Variants in SPAG16 observed in about 807,000 individuals in gnomAD.
The protein encoded by SPAG16 is sperm associated antigen 16.
Under a neutral mutation model 80.4 loss-of-function variants are expected in SPAG16, and 86 were observed. The observed-to-expected ratio is 1.07, with a 90% confidence interval of 0.90 to 1.28. The LOEUF (loss-of-function observed/expected upper bound fraction) is 1.28, where lower values mean the gene tolerates loss of function less well. SPAG16 is among the 50% of genes most tolerant of loss of function. SPAG16 has a pLI of 0.00. For synonymous variants in SPAG16, 294 were observed against 265.9 expected (o/e 1.11, Z -1.03); for missense variants, 870 against 765.3 (o/e 1.14, Z -1.61).
intron 11 of SPAG16, among the ~76,000 whole-genome samples, chr2:213,927,361 T>A (rs1472842543): frequency 6.6e-6 from 1 of 152,200 alleles, no homozygotes; most frequent in Non-Finnish European, 1.5e-5. Flanking sequence ...CCAGGGAAAC[T>A]CTGATCTTTT....
chr2:214,374,697 CT>C (rs1358053297), intron 15 of SPAG16, among the ~76,000 whole-genome samples: 1 of 152,164 alleles, frequency 6.6e-6, no homozygotes, highest in Non-Finnish European at 1.5e-5. Flanking sequence ...CAGAGCTGCA[CT>C]AGAGTAATTT....
chr2:213,317,522 G>C, intron 5 of SPAG16, 166 bp downstream of exon 5: 6 of 1,334,134 alleles, frequency 4.5e-6, no homozygotes, highest in Non-Finnish European at 5.8e-6. Context: ...TTAAACAGAT[G>C]ATCAGAACTA....
intron 10 of SPAG16, among the ~76,000 whole-genome samples, chr2:213,859,993 T>TTGATGATGATGATGATGATGATGATGA (rs112613257): frequency 8.0e-5 from 12 of 150,554 alleles, no homozygotes; most frequent in South Asian, 2.1e-4. Context: ...TTACCATTAG[T>TTGATGATGATGATGATGATGATGATGA]TGATGATGAT....
intron 10 of SPAG16, among the ~76,000 whole-genome samples, chr2:213,526,223 T>A (rs560626716): frequency 6.6e-6 from 1 of 152,356 alleles, no homozygotes; most frequent in Non-Finnish European, 1.5e-5. Context: ...TATCATAATG[T>A]ATCACTAATT....
At chr2:213,806,955 T>C (rs1166582449) in intron 10 of SPAG16, among the ~76,000 whole-genome samples, 2 of 152,220 alleles carry the variant, frequency 1.3e-5, no homozygotes, top group African/African-American at 4.8e-5. Flanking sequence ...AGATCACGGA[T>C]ACATTAGCTG....
intron 10 of SPAG16, among the ~76,000 whole-genome samples, chr2:213,533,466 C>G (rs1227789291): frequency 6.6e-6 from 1 of 152,158 alleles, no homozygotes; most frequent in Non-Finnish European, 1.5e-5. Context: ...GACACTTGCT[C>G]TAACACAATT....
chr2:213,432,938 G>T (rs1329179433), intron 9 of SPAG16, among the ~76,000 whole-genome samples: 1 of 152,056 alleles, frequency 6.6e-6, no homozygotes, highest in African/African-American at 2.4e-5. Flanking sequence ...AGGGATACCA[G>T]GATTGTTCAG....
intron 10 of SPAG16, among the ~76,000 whole-genome samples, chr2:213,671,202 A>G (rs2063800350): frequency 6.6e-6 from 1 of 152,226 alleles, no homozygotes; most frequent in Non-Finnish European, 1.5e-5. Context: ...GATATTGTTT[A>G]GGATAAAGCT....
At chr2:214,063,600 C>G (rs1341598226) in intron 13 of SPAG16, among the ~76,000 whole-genome samples, 3 of 152,124 alleles carry the variant, frequency 2.0e-5, no homozygotes, top group Non-Finnish European at 4.4e-5. Context: ...AGCCCCACCT[C>G]TAATACTATC....
chr2:213,624,979 C>T (rs1275832357), intron 10 of SPAG16, among the ~76,000 whole-genome samples: 2 of 151,932 alleles, frequency 1.3e-5, no homozygotes, highest in African/African-American at 2.4e-5. Context: ...TTAGTAGAGG[C>T]GGGGTTTCAC....
chr2:213,301,847 C>T (rs557541576), intron 3 of SPAG16, among the ~76,000 whole-genome samples: 2 of 152,252 alleles, frequency 1.3e-5, no homozygotes, highest in African/African-American at 4.8e-5. Context: ...AATTGTCACT[C>T]CTTGTTTTTG....
At chr2:213,678,719 C>T (rs1286990113) in intron 10 of SPAG16, among the ~76,000 whole-genome samples, 1 of 152,122 alleles carries the variant, frequency 6.6e-6, no homozygotes, top group Non-Finnish European at 1.5e-5. Flanking sequence ...GTCACTGTTC[C>T]TAGAGCAGCC....
At chr2:214,222,762 TG>T (rs1269811077) in intron 15 of SPAG16, among the ~76,000 whole-genome samples, 2 of 152,222 alleles carry the variant, frequency 1.3e-5, no homozygotes, top group Non-Finnish European at 2.9e-5. Flanking sequence ...TGTCTATCCA[TG>T]GATTTTCTAT....
intron 11 of SPAG16, among the ~76,000 whole-genome samples, chr2:213,907,855 G>GT (rs2077495638): frequency 6.6e-6 from 1 of 152,144 alleles, no homozygotes; most frequent in African/African-American, 2.4e-5. Context: ...CAGAATTATG[G>GT]TTATTACAGG....
At chr2:213,730,868 T>C (rs899386654) in intron 10 of SPAG16, among the ~76,000 whole-genome samples, 4 of 152,230 alleles carry the variant, frequency 2.6e-5, no homozygotes, top group African/African-American at 9.6e-5. Context: ...GTTTTACTTG[T>C]TTGTTACTTT....
intron 9 of SPAG16, among the ~76,000 whole-genome samples, chr2:213,455,133 T>C (rs1402687531): frequency 6.6e-6 from 1 of 152,246 alleles, no homozygotes; most frequent in Non-Finnish European, 1.5e-5. Flanking sequence ...AGTTTGACTT[T>C]TTATTCATTT....
chr2:213,308,412 A>G (rs1214251264), intron 3 of SPAG16, among the ~76,000 whole-genome samples: 4 of 152,080 alleles, frequency 2.6e-5, no homozygotes, highest in African/African-American at 9.7e-5. Flanking sequence ...GGACCATAGT[A>G]TTTCAGATTT....
At chr2:214,265,635 G>T (rs1220236201) in intron 15 of SPAG16, among the ~76,000 whole-genome samples, 1 of 151,732 alleles carries the variant, frequency 6.6e-6, no homozygotes, top group Non-Finnish European at 1.5e-5. Flanking sequence ...ATTTTTTTAT[G>T]GATCAAACTT....
chr2:213,839,581 T>C (rs1470356040), intron 10 of SPAG16, among the ~76,000 whole-genome samples: 3 of 152,172 alleles, frequency 2.0e-5, no homozygotes, highest in East Asian at 1.9e-4. Context: ...CTCTCACATA[T>C]ATTATGTAGC....
Sources: allele counts gnomAD v4.1 joint callset (sites outside exome capture counted in the v4.1 genomes callset), GRCh38; gene constraint gnomAD v4.1.1; transcripts MANE v1.5; gene names NCBI Gene and HGNC (gene_info 2026-07-23, HGNC 2026-07-21).